Variants in WNT5B observed in about 807,000 individuals in gnomAD.
The protein encoded by WNT5B is Wnt family member 5B, also known as protein Wnt-5b.
In WNT5B, 18 loss-of-function variants were observed where a neutral mutation model predicts 36.5. That is an observed-to-expected ratio of 0.49 (90% CI 0.34 to 0.73). WNT5B has a LOEUF of 0.73. WNT5B is among the 30% of genes least tolerant of loss of function. WNT5B has a pLI of 0.01. For missense variants in WNT5B, 424 were observed against 508.4 expected (o/e 0.83, Z 1.60); for synonymous variants, 213 against 212.3 (o/e 1.00, Z -0.03).
In WNT5B at chr12:1,632,636, C is replaced by T. The variant is rs746797758; in HGVS notation, c.81-22C>T. ...TGCTCACTCCTGGGCCTTTTTTTCCCCTTTCTGGATTGCTGTCCTAGGTCA... is the reference window on the plus strand; with the variant it reads ...TGCTCACTCCTGGGCCTTTTTTTCCTCTTTCTGGATTGCTGTCCTAGGTCA... On this transcript the variant is annotated intron_variant, in intron 2 of 4. Transcript: ENST00000397196. This position sits in a 1 kb window ranked among gnomAD's most constrained non-coding sequence, Gnocchi z 5.8. 1.9e-6 allele frequency: 3 copies of T among 1,580,014 alleles called. No homozygotes were observed. Among genetic ancestry groups the T allele is most frequent in the South Asian group, 2.2e-5 (2 of 88,890 alleles).
chr12:1,645,015 G>A (rs2094582643), intron 4 of WNT5B: 1 of 152,226 alleles, frequency 6.6e-6, no homozygotes, highest in South Asian at 2.1e-4. Context: ...CAAATGGATG[G>A]TGTATGGCAA....
intron 3 of WNT5B, among the ~76,000 whole-genome samples, chr12:1,634,442 G>C (rs1387490770): frequency 6.6e-6 from 1 of 152,134 alleles, no homozygotes. Flanking sequence ...TGTGCATAAA[G>C]GCCCCAAAGT....
rs755419153 is a variant in WNT5B, at chr12:1,633,983, A to G, written c.328+1078A>G. 6.6e-6 allele frequency among the ~76,000 whole-genome samples: 1 copy of G among 152,174 alleles called. No homozygotes were observed. Among genetic ancestry groups the G allele is most frequent in the Non-Finnish European group, 1.5e-5 (1 of 68,020 alleles). ...CACCTTGGGAGGCTGAGGCAGGAGGATTCCTTGAGGCCAGGAGTTCAAGAC... is the reference window on the plus strand; with the variant it reads ...CACCTTGGGAGGCTGAGGCAGGAGGGTTCCTTGAGGCCAGGAGTTCAAGAC... On this transcript the variant is annotated intron_variant, in intron 3 of 4. Coordinates refer to ENST00000397196, the MANE Select transcript of WNT5B (RefSeq NM_032642.3). The surrounding 1 kb of genome is among the most constrained non-coding windows in gnomAD (Gnocchi z 4.8).
Position 1,632,529 on chromosome 12 carries a change from AT to A in WNT5B, c.81-124del. The A allele has an allele frequency of 7.3e-7, 1 of 1,364,698 alleles. No homozygotes were observed. The highest frequency in any genetic ancestry group is 1.5e-5 in the South Asian group (1 of 65,754). 84.5% of individuals were successfully genotyped at this position (1,364,698 alleles called of 1,614,324 possible). ...TGAAGGCCAGCACTCTGATTTACTAATTTTTCTTTCCAGGGCCTTGTACACA... is the reference window on the plus strand; with the variant it reads ...TGAAGGCCAGCACTCTGATTTACTAATTTTCTTTCCAGGGCCTTGTACACA... On this transcript the variant is annotated intron_variant, in intron 2 of 4. Transcript: ENST00000397196. The surrounding 1 kb of genome is among the most constrained non-coding windows in gnomAD (Gnocchi z 5.8).
chr12:1,622,825 T>G (rs564150296), intron 1 of WNT5B, among the ~76,000 whole-genome samples: 11 of 152,324 alleles, frequency 7.2e-5, no homozygotes, highest in East Asian at 3.9e-4. Context: ...CTATTCCATG[T>G]CACATTAAAT....
rs1236316052 is a variant in WNT5B, at chr12:1,646,302, A to G, written c.*50A>G. On this transcript the variant is annotated 3_prime_UTR_variant, in exon 5 of 5. Transcript: ENST00000397196. ...CCTGCACTCTGCCTCACAAAGGTCT[A>G]TATTATATAAATCTATATAAATCTA... 14 of 1,425,080 alleles carry G rather than the reference A, an allele frequency of 9.8e-6. No individual in the cohort carries two copies. The highest frequency in any genetic ancestry group is 1.3e-5 in the Non-Finnish European group (14 of 1,073,850). 88.3% of individuals were successfully genotyped at this position (1,425,080 alleles called of 1,614,324 possible). A position where few individuals can be genotyped will look rare whatever the true frequency, so the allele number is the denominator to read the frequency against.
intron 1 of WNT5B, among the ~76,000 whole-genome samples, chr12:1,621,750 G>A (rs527375061): frequency 5.4e-4 from 80 of 147,706 alleles, no homozygotes; most frequent in Non-Finnish European, 9.4e-4. Flanking sequence ...TCACTATGTC[G>A]GCCAGGCTGG....
chr12:1,630,590 G>A lies in WNT5B; in HGVS notation c.-57-708G>A, dbSNP rs1402002901. On this transcript the variant is annotated intron_variant, in intron 1 of 4. Transcript: ENST00000397196. The surrounding 1 kb of genome is among the most constrained non-coding windows in gnomAD (Gnocchi z 5.3). ...ACTCGGTGCCGCCCTCGAGGACCAC[G>A]GTGCCGGGAGGGGCAGGGGCCGCCT... Among the ~76,000 whole-genome samples, 1 of 152,196 alleles carries A rather than the reference G, an allele frequency of 6.6e-6. No individual in the cohort carries two copies. Among genetic ancestry groups the A allele is most frequent in the Non-Finnish European group, 1.5e-5 (1 of 68,028 alleles).
rs774388437 is a variant in WNT5B at position 1,632,676 on chromosome 12, G to A, written c.99G>A (p.Pro33=). Residue 33 remains proline, a synonymous_variant, in exon 3 of 5, where the codon CCG becomes CCA. Transcript: ENST00000397196. The surrounding 1 kb of genome is among the most constrained non-coding windows in gnomAD (Gnocchi z 5.8). Reference sequence around the variant, plus strand: ...GTCCTAGGTCATTAGCTTTGAACCCGGTGCAGAGACCCGAGATGTTTATCA... The same window carrying A: ...GTCCTAGGTCATTAGCTTTGAACCCAGTGCAGAGACCCGAGATGTTTATCA... ...ANSWWSLALN[P]VQRPEMFIIG... 18 of 1,605,748 alleles carry A rather than the reference G, an allele frequency of 1.1e-5. No individual in the cohort carries two copies. Among genetic ancestry groups the A allele is most frequent in the South Asian group, 4.4e-5 (4 of 90,954 alleles).
intron 2 of WNT5B, 122 bp downstream of exon 2, chr12:1,631,556 CTT>C (rs2154439567): frequency 6.8e-7 from 1 of 1,466,638 alleles, no homozygotes; most frequent in Non-Finnish European, 9.2e-7. Flanking sequence ...CTAAGGGCCT[CTT>C]TTATCCCAGG....
Position 1,630,142 on chromosome 12 carries a change from C to G in WNT5B, c.-58+771C>G. 1 of 985,568 alleles carries G rather than the reference C, an allele frequency of 1.0e-6. No individual in the cohort carries two copies. Among genetic ancestry groups the G allele is most frequent in the South Asian group, 4.7e-5 (1 of 21,296 alleles). 61.1% of individuals were successfully genotyped at this position (985,568 alleles called of 1,614,324 possible). On this transcript the variant is annotated intron_variant, in intron 1 of 4. Transcript: ENST00000397196. This position sits in a 1 kb window ranked among gnomAD's most constrained non-coding sequence, Gnocchi z 5.3. ...TTCCCGGGCTGATGACCCGAAGCAC[C>G]CGCCGCCCCCTCCCGGGGAGCCTGG...
At position 1,644,429 on chromosome 12, in the gene WNT5B, G is replaced by A. The variant is rs2094581526; in HGVS notation, c.622-1365G>A. ...GTTAGTGAGCCTCTCTAGAGCTTCA[G>A]TTTCTCCACCATAAAATAGTGGGAA... On this transcript the variant is annotated intron_variant, in intron 4 of 4. Transcript: ENST00000397196. The surrounding 1 kb of genome is among the most constrained non-coding windows in gnomAD (Gnocchi z 5.1). 6.6e-6 allele frequency among the ~76,000 whole-genome samples: 1 copy of A among 152,168 alleles called. No homozygotes were observed. Among genetic ancestry groups the A allele is most frequent in the Non-Finnish European group, 1.5e-5 (1 of 68,032 alleles).
chr12:1,617,950 A>G (rs7953986), intron 1 of WNT5B, among the ~76,000 whole-genome samples: 24,207 of 152,080 alleles, frequency 0.16, 2,001 homozygotes, highest in Middle Eastern at 0.24. Flanking sequence ...ACCAGCCTGG[A>G]CAATATAGGG....
At chr12:1,640,289 C>T (rs2094572500) in intron 4 of WNT5B, among the ~76,000 whole-genome samples, 1 of 152,186 alleles carries the variant, frequency 6.6e-6, no homozygotes, top group East Asian at 1.9e-4. Flanking sequence ...TAGAGCAGCG[C>T]TCTTGTCTTG....
chr12:1,634,015 G>A (rs181265976), intron 3 of WNT5B, among the ~76,000 whole-genome samples: 1 of 152,208 alleles, frequency 6.6e-6, no homozygotes, highest in East Asian at 1.9e-4. Flanking sequence ...AGACCAGCCT[G>A]GGTAACATAG....
chr12:1,632,555 A>C lies in WNT5B; in HGVS notation c.81-103A>C. The C allele has an allele frequency of 6.8e-7, 1 of 1,478,016 alleles. No individual in the cohort carries two copies. The highest frequency in any genetic ancestry group is 9.1e-7 in the Non-Finnish European group (1 of 1,100,412). The allele number at this position is 1,478,016 out of a possible 1,614,324, so 91.6% of individuals were successfully genotyped here. A position where few individuals can be genotyped will look rare whatever the true frequency, so the allele number is the denominator to read the frequency against. Reference sequence around the variant, plus strand: ...TTTTTCTTTCCAGGGCCTTGTACACAGGGACGCATTCAATAAATGTGTTGA... The same window carrying C: ...TTTTTCTTTCCAGGGCCTTGTACACCGGGACGCATTCAATAAATGTGTTGA... On this transcript the variant is annotated intron_variant, in intron 2 of 4. Coordinates refer to ENST00000397196, the MANE Select transcript of WNT5B (RefSeq NM_032642.3). The surrounding 1 kb of genome is among the most constrained non-coding windows in gnomAD (Gnocchi z 5.8).
intron 3 of WNT5B, among the ~76,000 whole-genome samples, chr12:1,634,740 A>T (rs892993688): frequency 2.0e-5 from 3 of 152,174 alleles, no homozygotes; most frequent in Admixed American, 6.5e-5. Flanking sequence ...AGGACCGTCT[A>T]AGGCTTCCTT....
intron 1 of WNT5B, among the ~76,000 whole-genome samples, chr12:1,620,400 T>C (rs748891849): frequency 4.6e-5 from 7 of 152,264 alleles, no homozygotes; most frequent in Non-Finnish European, 8.8e-5. Flanking sequence ...TGTGGTTGCA[T>C]GTAACTTGTA....
chr12:1,635,509 G>A (rs965262423), intron 3 of WNT5B, among the ~76,000 whole-genome samples: 5 of 152,324 alleles, frequency 3.3e-5, no homozygotes, highest in Admixed American at 2.0e-4. Flanking sequence ...ACAAGAAGGA[G>A]CATTCTGGTG....
Sources: allele counts gnomAD v4.1 joint callset (sites outside exome capture counted in the v4.1 genomes callset), GRCh38; gene constraint gnomAD v4.1.1; non-coding constraint Gnocchi (gnomAD v3.1); transcripts MANE v1.5; gene names NCBI Gene and HGNC (gene_info 2026-07-23, HGNC 2026-07-21).